The following GABRA2 variants were observed in gnomAD, a reference collection of about 807,000 sequenced individuals.
The protein encoded by GABRA2 is gamma-aminobutyric acid receptor subunit alpha-2.
A neutral mutation model predicts 48.7 loss-of-function variants in GABRA2; 16 were observed. That is an observed-to-expected ratio of 0.33 (90% CI 0.22 to 0.50). The LOEUF is 0.50. Among genes scored for constraint, GABRA2 ranks in the 20% least tolerant of loss-of-function variants. The pLI, the probability that GABRA2 is intolerant of heterozygous loss-of-function variation, is 0.98. For missense variants in GABRA2, 275 were observed against 535.6 expected, an observed-to-expected ratio of 0.51 and a Z score of 4.80; for synonymous variants, 185 against 184.5, an observed-to-expected ratio of 1.00 and a Z score of -0.02.
At chr4:46,271,924 TTACTC>T (rs1211471137) in intron 8 of GABRA2, among the ~76,000 whole-genome samples, 1 of 151,754 alleles carries the variant, frequency 6.6e-6, no homozygotes, top group Admixed American at 6.6e-5. Flanking sequence ...TACATGCTGT[TTACTC>T]TACCTGGAGT....
chr4:46,313,605 A>C (rs919952662), intron 4 of GABRA2, among the ~76,000 whole-genome samples: 19 of 150,086 alleles, frequency 1.3e-4, no homozygotes, highest in African/African-American at 4.4e-4. Flanking sequence ...CTCTCTCTCT[A>C]TCTTTACCCT....
At chr4:46,334,541 A>G (rs547908055) in intron 3 of GABRA2, among the ~76,000 whole-genome samples, 1 of 152,308 alleles carries the variant, frequency 6.6e-6, no homozygotes, top group South Asian at 2.1e-4. Context: ...TAGTTTAAGT[A>G]GTAAAGTTAG....
intron 3 of GABRA2, among the ~76,000 whole-genome samples, chr4:46,346,786 C>A (rs1734210642): frequency 1.3e-5 from 2 of 151,392 alleles, no homozygotes. Context: ...GAAGTCCTAA[C>A]CAGAGCAATT....
chr4:46,299,981 A>G (rs796543938), intron 8 of GABRA2, among the ~76,000 whole-genome samples: 4 of 152,116 alleles, frequency 2.6e-5, no homozygotes, highest in African/African-American at 9.6e-5. Flanking sequence ...AGTATGCAAC[A>G]TGAATAGCAT....
At chr4:46,300,823 C>A (rs937013494) in intron 8 of GABRA2, among the ~76,000 whole-genome samples, 5 of 151,912 alleles carry the variant, frequency 3.3e-5, no homozygotes, top group Non-Finnish European at 7.4e-5. Context: ...ATCTTTTGAT[C>A]CTTTTCTTTC....
In GABRA2 at chr4:46,247,955, T is replaced by C. The variant is rs577084954; in HGVS notation, c.*2353A>G. Among the ~76,000 whole-genome samples, 139 of 151,344 alleles carry C rather than the reference T, an allele frequency of 9.2e-4. No homozygotes were observed. The highest frequency in any genetic ancestry group is 3.2e-3 in the African/African-American group (134 of 41,464). ...AAAATCTGAACTGCCAGAATGTCAT[T>C]GCACTCAAATAAAATTTTACCACAT... On this transcript the variant is annotated 3_prime_UTR_variant, in exon 10 of 10. Transcript: ENST00000381620.
chr4:46,349,665 T>C (rs1031248635), intron 3 of GABRA2, among the ~76,000 whole-genome samples: 1 of 151,948 alleles, frequency 6.6e-6, no homozygotes, highest in Non-Finnish European at 1.5e-5. Context: ...AAACCCTTGC[T>C]ATCTTTCCCT....
intron 8 of GABRA2, among the ~76,000 whole-genome samples, chr4:46,291,216 C>G (rs1012571786): frequency 6.6e-6 from 1 of 152,040 alleles, no homozygotes; most frequent in Non-Finnish European, 1.5e-5. Context: ...TGGTTCTAGA[C>G]TTGTTGTTGT....
intron 8 of GABRA2, among the ~76,000 whole-genome samples, chr4:46,292,388 C>T (rs1251980722): frequency 6.6e-6 from 1 of 152,142 alleles, no homozygotes; most frequent in Admixed American, 6.6e-5. Context: ...TGTGCAGCCT[C>T]ACCAGGTGTC....
intron 8 of GABRA2, among the ~76,000 whole-genome samples, chr4:46,299,456 A>G (rs1285081259): frequency 6.6e-6 from 1 of 151,856 alleles, no homozygotes; most frequent in Admixed American, 6.6e-5. Flanking sequence ...AACTCACTAT[A>G]GTATCTTGAG....
chr4:46,349,578 C>T (rs757706101), intron 3 of GABRA2, among the ~76,000 whole-genome samples: 5 of 151,858 alleles, frequency 3.3e-5, no homozygotes, highest in Non-Finnish European at 7.4e-5. Flanking sequence ...GTTTGGTTTT[C>T]ATTTTCAACA....
intron 3 of GABRA2, among the ~76,000 whole-genome samples, chr4:46,351,613 A>T (rs978184112): frequency 3.3e-5 from 5 of 152,026 alleles, no homozygotes; most frequent in African/African-American, 1.2e-4. Flanking sequence ...TTTTTAAAAG[A>T]TATATGAATG....
At chr4:46,356,637 C>A (rs2109935187) in intron 3 of GABRA2, among the ~76,000 whole-genome samples, 1 of 152,232 alleles carries the variant, frequency 6.6e-6, no homozygotes, top group African/African-American at 2.4e-5. Context: ...TATCGCAGGA[C>A]AATCAGGAAC....
intron 9 of GABRA2, among the ~76,000 whole-genome samples, chr4:46,251,262 C>G (rs879288108): frequency 6.6e-6 from 1 of 151,556 alleles, no homozygotes; most frequent in Non-Finnish European, 1.5e-5. Context: ...GTCCGTCTAG[C>G]TTGGCTTGAC....
intron 8 of GABRA2, among the ~76,000 whole-genome samples, chr4:46,297,388 T>A (rs1367609716): frequency 6.7e-6 from 1 of 149,202 alleles, no homozygotes; most frequent in Non-Finnish European, 1.5e-5. Flanking sequence ...GCTTTGGGAC[T>A]CAGACTGGCT....
rs1052754821 is a variant in GABRA2, at chr4:46,246,521, G to A, written c.*3787C>T. Among the ~76,000 whole-genome samples, 7 of 150,928 alleles carry A rather than the reference G, an allele frequency of 4.6e-5. No homozygotes were observed. Among genetic ancestry groups the A allele is most frequent in the Non-Finnish European group, 7.4e-5 (5 of 67,360 alleles). On this transcript the variant is annotated 3_prime_UTR_variant, in exon 10 of 10. Transcript: ENST00000381620. ...TCTGCATACTTTAAATTAATAAAAG[G>A]GAAGCACGAGGTGCCTATGGGACCT...
intron 4 of GABRA2, among the ~76,000 whole-genome samples, chr4:46,329,179 G>T (rs925085442): frequency 6.6e-6 from 1 of 152,056 alleles, no homozygotes; most frequent in African/African-American, 2.4e-5. Context: ...TCAGCTATCT[G>T]TGTACTGCCT....
chr4:46,388,501 G>A (rs747036518), intron 2 of GABRA2, 135 bp downstream of exon 2: 6 of 1,022,670 alleles, frequency 5.9e-6, no homozygotes, highest in Non-Finnish European at 8.8e-6. Flanking sequence ...TTACTTCATA[G>A]TTCACTTTCC....
At chr4:46,274,823 G>A (rs967236344) in intron 8 of GABRA2, among the ~76,000 whole-genome samples, 2 of 152,180 alleles carry the variant, frequency 1.3e-5, no homozygotes, top group East Asian at 1.9e-4. Flanking sequence ...CTGTCAAGTA[G>A]AGAATCCTAT....
Sources: allele counts gnomAD v4.1 joint callset (sites outside exome capture counted in the v4.1 genomes callset), GRCh38; gene constraint gnomAD v4.1.1; transcripts MANE v1.5; gene names NCBI Gene and HGNC (gene_info 2026-07-23, HGNC 2026-07-21).